FMN1: variants seen among roughly 807,000 people sequenced by gnomAD.
FMN1 encodes the protein formin 1.
Under a neutral mutation model 132.4 loss-of-function variants are expected in FMN1, and 110 were observed. The ratio of observed to expected loss-of-function variants is 0.83; its 90% CI spans 0.71 to 0.97. The LOEUF is 0.97. Among genes scored for constraint, FMN1 ranks in the 50% least tolerant of loss-of-function variants. The pLI is 0.00. For missense variants in FMN1, 1,792 were observed against 1,705.3 expected, an observed-to-expected ratio of 1.05 and a Z score of -0.90; for synonymous variants, 722 against 651.7, an observed-to-expected ratio of 1.11 and a Z score of -1.64.
At chr15:33,002,817 G>A (rs1394460575) in intron 7 of FMN1, among the ~76,000 whole-genome samples, 1 of 152,106 alleles carries the variant, frequency 6.6e-6, no homozygotes, top group Non-Finnish European at 1.5e-5. Context: ...CACTTCTTTG[G>A]GTCAGATTAG....
chr15:32,974,823 G>GTAATGTGTTA (rs2032073796), intron 7 of FMN1, among the ~76,000 whole-genome samples: 1 of 152,198 alleles, frequency 6.6e-6, no homozygotes, highest in Non-Finnish European at 1.5e-5. Context: ...AATCTCCAAA[G>GTAATGTGTTA]TAATGTGTTA....
intron 6 of FMN1, among the ~76,000 whole-genome samples, chr15:33,035,142 C>A (rs1278808783): frequency 6.6e-6 from 1 of 152,052 alleles, no homozygotes; most frequent in Non-Finnish European, 1.5e-5. Context: ...CATATGTACT[C>A]CTTTATTATC....
intron 4 of FMN1, among the ~76,000 whole-genome samples, chr15:33,107,948 T>C (rs1017335695): frequency 1.3e-5 from 2 of 152,136 alleles, no homozygotes; most frequent in Non-Finnish European, 2.9e-5. Flanking sequence ...CACAGAGGTG[T>C]GTTTGCAGAT....
chr15:33,118,185 C>CT (rs1415020905), intron 4 of FMN1, among the ~76,000 whole-genome samples: 1 of 152,188 alleles, frequency 6.6e-6, no homozygotes, highest in Non-Finnish European at 1.5e-5. Flanking sequence ...AATTCACTGC[C>CT]TAACATCCTC....
intron 3 of FMN1, among the ~76,000 whole-genome samples, chr15:33,165,592 T>C (rs956844527): frequency 3.9e-5 from 6 of 152,248 alleles, no homozygotes; most frequent in Admixed American, 6.5e-5. Flanking sequence ...GGGGTTTCAC[T>C]GTGTTAGCCA....
intron 6 of FMN1, among the ~76,000 whole-genome samples, chr15:33,021,473 GT>G (rs1340206244): frequency 6.6e-6 from 1 of 152,060 alleles, no homozygotes; most frequent in Non-Finnish European, 1.5e-5. Flanking sequence ...AGAGAAAAAG[GT>G]TTAAGGAAAG....
At position 33,154,141 on chromosome 15, in the gene FMN1, C is replaced by T. The variant is rs267604155; in HGVS notation, c.774G>A (p.Lys258=). ...GCACTTCTCTTCCAAGCCCAGTGTC[C>T]TTGAAAGCCGTCTCAAAGCTCCCAA... ...LGFGSFETAF[K]DTGLGREVLP... The change falls in exon 4 of 21, where the codon AAG becomes AAA. Residue 258 remains lysine, a synonymous_variant. Transcript: ENST00000616417. The T allele has an allele frequency of 2.6e-6, 4 of 1,536,214 alleles. No individual in the cohort carries two copies. The South Asian group carries it at 3.6e-5, about 14-fold the overall frequency.
intron 4 of FMN1, among the ~76,000 whole-genome samples, chr15:33,098,449 C>T (rs1313469868): frequency 6.6e-6 from 1 of 152,162 alleles, no homozygotes; most frequent in Non-Finnish European, 1.5e-5. Context: ...ACTAGGCACA[C>T]ACTACAACAT....
chr15:33,007,066 CAT>C (rs2034458394), intron 7 of FMN1, among the ~76,000 whole-genome samples: 1 of 151,928 alleles, frequency 6.6e-6, no homozygotes, highest in Non-Finnish European at 1.5e-5. Context: ...GTTCTCACCG[CAT>C]ATAAATGATA....
chr15:33,031,786 G>C (rs574085548), intron 6 of FMN1, among the ~76,000 whole-genome samples: 1 of 152,070 alleles, frequency 6.6e-6, no homozygotes, highest in Non-Finnish European at 1.5e-5. Flanking sequence ...TAGTTACTGT[G>C]GTAACAGATG....
intron 4 of FMN1, among the ~76,000 whole-genome samples, chr15:33,125,248 C>T (rs1417263821): frequency 6.6e-6 from 1 of 152,156 alleles, no homozygotes; most frequent in African/African-American, 2.4e-5. Context: ...AGGAAATAAC[C>T]TCTCTCAAAG....
Position 32,774,363 on chromosome 15 carries a change from G to GA in FMN1, c.4216-10dup, listed in dbSNP as rs747880801. 1,299 of 1,522,226 alleles carry GA rather than the reference G, an allele frequency of 8.5e-4. No homozygotes were observed. The highest frequency in any genetic ancestry group is 1.2e-3 in the Admixed American group (57 of 49,008). The allele number at this position is 1,522,226 out of a possible 1,614,324, so 94.3% of individuals were successfully genotyped here. ...TGACGCAGTCTTTCTTTCTGTTAAGGAAAAAAAAATGAATGTATCATTTTC... is the reference window on the plus strand; with the variant it reads ...TGACGCAGTCTTTCTTTCTGTTAAGGAAAAAAAAAATGAATGTATCATTTTC... On this transcript the variant is annotated splice_polypyrimidine_tract_variant and intron_variant, in intron 20 of 20. Transcript: ENST00000616417.
intron 6 of FMN1, among the ~76,000 whole-genome samples, chr15:33,013,773 C>T (rs2034876484): frequency 6.6e-6 from 1 of 152,176 alleles, no homozygotes; most frequent in Non-Finnish European, 1.5e-5. Flanking sequence ...CAAACCCTAA[C>T]CAATTCCAAG....
chr15:33,066,392 T>C (rs1392702813), intron 5 of FMN1: 21 of 875,694 alleles, frequency 2.4e-5, no homozygotes, highest in Non-Finnish European at 3.3e-5. Flanking sequence ...TTGACTATAA[T>C]CCTTTTTCAA....
chr15:32,849,580 A>G (rs1363214693), intron 17 of FMN1, among the ~76,000 whole-genome samples: 1 of 75,370 alleles, frequency 1.3e-5, no homozygotes, highest in East Asian at 2.6e-4. Context: ...CGCTCTTTGC[A>G]GGAATTTCTG....
chr15:33,013,849 G>A (rs1010756488), intron 6 of FMN1, among the ~76,000 whole-genome samples: 1 of 152,208 alleles, frequency 6.6e-6, no homozygotes, highest in Non-Finnish European at 1.5e-5. Context: ...TGTCCTTTGA[G>A]AATAGCATCT....
intron 6 of FMN1, among the ~76,000 whole-genome samples, chr15:33,016,369 G>A (rs989316241): frequency 6.6e-6 from 1 of 152,154 alleles, no homozygotes; most frequent in African/African-American, 2.4e-5. Flanking sequence ...AATCAAATGT[G>A]AGCTTTCATA....
intron 4 of FMN1, among the ~76,000 whole-genome samples, chr15:33,095,353 A>T (rs1415355577): frequency 2.6e-5 from 4 of 152,172 alleles, no homozygotes; most frequent in Admixed American, 2.6e-4. Flanking sequence ...CTCAAAAAAA[A>T]CAAAAAGAAA....
intron 17 of FMN1, among the ~76,000 whole-genome samples, chr15:32,825,701 G>A (rs1045804131): frequency 2.0e-5 from 3 of 152,190 alleles, no homozygotes; most frequent in African/African-American, 4.8e-5. Flanking sequence ...ACACACTGCT[G>A]ACTCTCAAAA....
Sources: allele counts gnomAD v4.1 joint callset (sites outside exome capture counted in the v4.1 genomes callset), GRCh38; gene constraint gnomAD v4.1.1; transcripts MANE v1.5; gene names NCBI Gene and HGNC (gene_info 2026-07-23, HGNC 2026-07-21).